The following ZNF77 variants were observed in gnomAD, a reference collection of about 807,000 sequenced individuals.
ZNF77 encodes the protein zinc finger protein 77.
A neutral mutation model predicts 13.5 loss-of-function variants in ZNF77; 15 were observed. That is an observed-to-expected ratio of 1.11 (90% CI 0.74 to 1.71). The LOEUF (loss-of-function observed/expected upper bound fraction) is 1.71. Among genes scored for constraint, ZNF77 ranks in the 40% most tolerant of loss-of-function variants. The probability of loss-of-function intolerance (pLI) is 0.00; values close to 1 mark genes in which losing one functional copy is unlikely to be tolerated. For missense variants in ZNF77, 717 were observed against 676.4 expected (o/e 1.06, Z -0.67); for synonymous variants, 282 against 250.0 (o/e 1.13, Z -1.21).
chr19:2,934,116 C>T lies in ZNF77; in HGVS notation c.1011G>A (p.Ser337=), dbSNP rs574952125. ...KHCGKAFTCY[S]SLREHGRTHS... ...GCGTTCTCCCATGTTCTCGAAGAGA[C>T]GAGTAACAAGTGAACGCTTTTCCGC... is the stretch of plus-strand genomic sequence containing the variant. Residue 337 remains serine (S), a synonymous_variant, in exon 4 of 4, where the codon TCG becomes TCA. Coordinates refer to ENST00000314531, the MANE Select transcript of ZNF77 (RefSeq NM_021217.3). 1.2e-4 allele frequency: 196 copies of T among 1,612,990 alleles called. No homozygotes were observed. The South Asian group carries it at 1.8e-3, about 15-fold the overall frequency.
At chr19:2,942,516 G>A (rs1406726086) in intron 1 of ZNF77, among the ~76,000 whole-genome samples, 3 of 151,346 alleles carry the variant, frequency 2.0e-5, no homozygotes, top group Non-Finnish European at 4.4e-5. Flanking sequence ...GCATCCCCAT[G>A]CCCGGCCTCA....
Position 2,934,119 on chromosome 19 carries a change from G to A in ZNF77, c.1008C>T (p.Tyr336=). The A allele has an allele frequency of 6.2e-7, 1 of 1,613,826 alleles. No individual in the cohort carries two copies. The highest frequency in any genetic ancestry group is 1.1e-5 in the South Asian group (1 of 91,066). The change falls in exon 4 of 4, where the codon TAC becomes TAT. Residue 336 remains tyrosine, a synonymous_variant. Transcript: ENST00000314531. ...CKHCGKAFTC[Y]SSLREHGRTH... is the part of the protein sequence containing the mutation. ...TTCTCCCATGTTCTCGAAGAGACGA[G>A]TAACAAGTGAACGCTTTTCCGCAAT...
chr19:2,938,223 G>A (rs980594547), intron 2 of ZNF77, among the ~76,000 whole-genome samples: 1 of 152,142 alleles, frequency 6.6e-6, no homozygotes, highest in African/African-American at 2.4e-5. Context: ...CCCATTCCTG[G>A]AGAATCACAT....
chr19:2,939,221 A>T lies in ZNF77; in HGVS notation c.130+60T>A, dbSNP rs2088427358. 15 of 1,177,048 alleles carry T rather than the reference A, an allele frequency of 1.3e-5. No homozygotes were observed. In the South Asian group the frequency reaches 2.0e-4, roughly 16 times the overall value. 72.9% of individuals were successfully genotyped at this position (1,177,048 alleles called of 1,614,324 possible). On this transcript the variant is annotated intron_variant, in intron 2 of 3. Transcript: ENST00000314531. ...TGACGCCACCCTTACCCAAGGAGGC[A>T]GTGAGGGAATGACGCCACCCTTACC...
In ZNF77 at chr19:2,934,024, C is replaced by T. The variant is rs374049271; in HGVS notation, c.1103G>A (p.Arg368Gln). The change falls in exon 4 of 4, where the codon CGA (arginine) becomes CAA (glutamine). Residue 368 changes from arginine to glutamine, a missense_variant. Arg to Gln is a conservative substitution (Grantham distance 43). Coordinates refer to ENST00000314531, the MANE Select transcript of ZNF77 (RefSeq NM_021217.3). ...TCCGGTGTGCATTCTCATGTGTGCTCGCAGAGAGGAGGGGTACCTGAAGGC... is the reference window on the plus strand; with the variant it reads ...TCCGGTGTGCATTCTCATGTGTGCTTGCAGAGAGGAGGGGTACCTGAAGGC... ...GKAFRYPSSL[R>Q]AHMRMHTGEK... The T allele has an allele frequency of 3.1e-5, 50 of 1,613,928 alleles. No homozygotes were observed. Among genetic ancestry groups the T allele is most frequent in the Non-Finnish European group, 4.2e-5 (49 of 1,180,020 alleles).
At position 2,936,641 on chromosome 19, in the gene ZNF77, A is replaced by T. The variant is rs141783041; in HGVS notation, c.194T>A (p.Ile65Lys). 2 of 1,610,736 alleles carry T rather than the reference A, an allele frequency of 1.2e-6. No individual in the cohort carries two copies. Among genetic ancestry groups the T allele is most frequent in the Non-Finnish European group, 1.7e-6 (2 of 1,179,174 alleles). Residue 65 changes from isoleucine (I) to lysine (K), a missense_variant, in exon 3 of 4, where the codon ATA becomes AAA. Ile to Lys is a moderately radical substitution (Grantham distance 102). Transcript: ENST00000314531. ...CTTTACAATCTCTTCATCATTGGAT[A>T]TTCCATTCCCAAAAACGTCCCTCTG... The part of the protein sequence containing the change: ...SSQRDVFGNG[I>K]SNDEEIVKFT...
Position 2,933,723 on chromosome 19 carries a change from T to C in ZNF77, c.1404A>G (p.Gln468=), listed in dbSNP as rs2088365480. Residue 468 remains glutamine (Q), a synonymous_variant, in exon 4 of 4, where the codon CAA becomes CAG. Transcript: ENST00000314531. ...HSGEKPYECN[Q]CGKAFSHAQY... ...GAGCGTGGCTGAAGGCTTTCCCACA[T>C]TGATTACATTCGTACGGTTTCTCTC... The C allele has an allele frequency of 1.9e-6, 3 of 1,611,248 alleles. No homozygotes were observed. Among genetic ancestry groups the C allele is most frequent in the Admixed American group, 1.7e-5 (1 of 59,892 alleles).
chr19:2,938,765 G>C (rs570058272), intron 2 of ZNF77, among the ~76,000 whole-genome samples: 2 of 152,044 alleles, frequency 1.3e-5, no homozygotes, highest in South Asian at 2.1e-4. Flanking sequence ...GACCATCCTG[G>C]CTAACACGGT....
chr19:2,941,490 A>G lies in ZNF77; in HGVS notation c.4-2083T>C, dbSNP rs910442539. Among the ~76,000 whole-genome samples the G allele has an allele frequency of 2.0e-5, 3 of 152,170 alleles. No individual in the cohort carries two copies. In the East Asian group the frequency reaches 5.8e-4, roughly 29 times the overall value. ...AGACTGTCTCAAAAAAAAAATAAAA[A>G]TAAGTAAGAACACAGCCAAATCACC... On this transcript the variant is annotated intron_variant, in intron 1 of 3. Transcript: ENST00000314531.
chr19:2,934,461 A>C lies in ZNF77; in HGVS notation c.666T>G (p.Ile222Met), dbSNP rs781585559. 6.2e-7 allele frequency: 1 copy of C among 1,614,202 alleles called. No individual in the cohort carries two copies. ...YECQKCGKAF[I>M]CPSSFRGHVN... ...CATGTCCCCTGAAAGATGAGGGACA[A>C]ATGAAAGCTTTTCCACATTTCTGAC... Residue 222 changes from isoleucine to methionine, a missense_variant, in exon 4 of 4, where the codon ATT becomes ATG. Physicochemically the swap from Ile to Met is conservative, Grantham distance 10. Transcript: ENST00000314531.
chr19:2,937,928 T>C (rs2088412166), intron 2 of ZNF77, among the ~76,000 whole-genome samples: 1 of 152,104 alleles, frequency 6.6e-6, no homozygotes, highest in African/African-American at 2.4e-5. Context: ...GACTACTTTT[T>C]ATATTTTTAG....
At chr19:2,939,660 G>C (rs2144966896) in intron 1 of ZNF77, 1 of 467,312 alleles carries the variant, frequency 2.1e-6, no homozygotes, top group Non-Finnish European at 3.9e-6. Context: ...TGAGGGTGGG[G>C]AAACACTGAA....
chr19:2,937,918 G>A (rs918362049), intron 2 of ZNF77, among the ~76,000 whole-genome samples: 2 of 152,138 alleles, frequency 1.3e-5, no homozygotes, highest in African/African-American at 2.4e-5. Context: ...CACCACGCCC[G>A]ACTACTTTTT....
At chr19:2,944,704 C>G (rs2088480550) in intron 1 of ZNF77, 134 bp downstream of exon 1, 1 of 1,296,352 alleles carries the variant, frequency 7.7e-7, no homozygotes, top group Admixed American at 3.1e-5. Context: ...TGACCACGTC[C>G]CCGGGGCCCA....
Position 2,933,375 on chromosome 19 carries a change from A to G in ZNF77, c.*114T>C. ...TCTCTCCTACTCTGAATTTTTAGGTACAAAATAAGTGCTATACCAGGTTTT... is the reference window on the plus strand; with the variant it reads ...TCTCTCCTACTCTGAATTTTTAGGTGCAAAATAAGTGCTATACCAGGTTTT... On this transcript the variant is annotated 3_prime_UTR_variant, in exon 4 of 4. Transcript: ENST00000314531. 7.6e-7 allele frequency: 1 copy of G among 1,315,036 alleles called. No individual in the cohort carries two copies. The allele number at this position is 1,315,036 out of a possible 1,614,324, so 81.5% of individuals were successfully genotyped here. A position where few individuals can be genotyped will look rare whatever the true frequency, so the allele number is the denominator to read the frequency against.
Position 2,933,518 on chromosome 19 carries a change from C to G in ZNF77, c.1609G>C (p.Ala537Pro). The G allele has an allele frequency of 1.3e-6, 2 of 1,593,160 alleles. No individual in the cohort carries two copies. The highest frequency in any genetic ancestry group is 1.7e-6 in the Non-Finnish European group (2 of 1,166,662). ...KTFRYLASLQ[A>P]HVRTHAGA ...GCTCCAGCATGTGTTCTCACATGTGCTTGAAGCGATGCGAGATACCTGAAG... is the reference window on the plus strand; with the variant it reads ...GCTCCAGCATGTGTTCTCACATGTGGTTGAAGCGATGCGAGATACCTGAAG... Residue 537 changes from alanine to proline, a missense_variant, in exon 4 of 4, where the codon GCA becomes CCA. By Grantham distance (27) the Ala-to-Pro change is conservative. Coordinates refer to ENST00000314531, the MANE Select transcript of ZNF77 (RefSeq NM_021217.3).
chr19:2,934,670 T>C lies in ZNF77; in HGVS notation c.457A>G (p.Asn153Asp), dbSNP rs201138761. The change falls in exon 4 of 4, where the codon AAT (asparagine) becomes GAT (aspartate). Residue 153 changes from asparagine to aspartate, a missense_variant. Physicochemically the swap from Asn to Asp is conservative, Grantham distance 23. Transcript: ENST00000314531. ...TGTCCAGTGTGAGATCTCTGCCGAT[T>C]CTCGAAGGCTTTGCCACACTTAGTG... ...ECTKCGKAFE[N>D]RQRSHTGQRP... 36 of 1,613,998 alleles carry C rather than the reference T, an allele frequency of 2.2e-5. No homozygotes were observed. The highest frequency in any genetic ancestry group is 4.2e-6 in the Non-Finnish European group (5 of 1,180,020).
chr19:2,944,935 G>C lies in ZNF77; in HGVS notation c.-95C>G, dbSNP rs1324686115. 1 of 1,439,654 alleles carries C rather than the reference G, an allele frequency of 6.9e-7. No individual in the cohort carries two copies. Among genetic ancestry groups the C allele is most frequent in the Non-Finnish European group, 9.1e-7 (1 of 1,094,092 alleles). 89.2% of individuals were successfully genotyped at this position (1,439,654 alleles called of 1,614,324 possible). The stretch of plus-strand genomic sequence containing the variant: ...CAGGACACCTGAGCCGCTCGGGGTA[G>C]GCGGGGAAGCGCGCAAGGCAGAGGG... On this transcript the variant is annotated 5_prime_UTR_variant, in exon 1 of 4. Coordinates refer to ENST00000314531, the MANE Select transcript of ZNF77 (RefSeq NM_021217.3).
At chr19:2,944,533 T>A (rs549480145) in intron 1 of ZNF77, among the ~76,000 whole-genome samples, 39 of 149,144 alleles carry the variant, frequency 2.6e-4, no homozygotes, top group African/African-American at 9.7e-4. Flanking sequence ...CTTAAACCTC[T>A]ACTGTCCACT....
Sources: allele counts gnomAD v4.1 joint callset (sites outside exome capture counted in the v4.1 genomes callset), GRCh38; gene constraint gnomAD v4.1.1; transcripts MANE v1.5; gene names NCBI Gene and HGNC (gene_info 2026-07-23, HGNC 2026-07-21).